TKT: variants seen among roughly 807,000 people sequenced by gnomAD.
TKT encodes the protein transketolase, also known as epididymis luminal protein 107.
Under a neutral mutation model 63.9 loss-of-function variants are expected in TKT, and 47 were observed. The ratio of observed to expected loss-of-function variants is 0.74; its 90% confidence interval spans 0.58 to 0.94. The LOEUF (loss-of-function observed/expected upper bound fraction) is 0.94. Among genes scored for constraint, TKT ranks in the 40% least tolerant of loss-of-function variants. TKT has a pLI of 0.00. For synonymous variants in TKT, 338 were observed against 334.1 expected (o/e 1.01, Z -0.13); for missense variants, 721 against 846.2 (o/e 0.85, Z 1.84).
chr3:53,248,746 T>A (rs1347086902), intron 1 of TKT, among the ~76,000 whole-genome samples: 3 of 152,176 alleles, frequency 2.0e-5, no homozygotes, highest in Non-Finnish European at 4.4e-5. Context: ...TGCATTTATA[T>A]GAAATGTCTA....
At chr3:53,234,791 CTGGCCCACATAT>C (rs1272896871) in intron 5 of TKT, 180 bp downstream of exon 5, 2 of 507,252 alleles carry the variant, frequency 3.9e-6, no homozygotes, top group East Asian at 6.8e-5. Flanking sequence ...AAAACTGGGC[CTGGCCCACATAT>C]CCTGAGCCAT....
Position 53,243,992 on chromosome 3 carries a change from G to A in TKT, c.108-1750C>T, listed in dbSNP as rs571714400. On this transcript the variant is annotated intron_variant, in intron 1 of 13. Coordinates refer to ENST00000462138, the MANE Select transcript of TKT (RefSeq NM_001064.4). ...ACAGTCCCATTGGCCACCAGAAGGG[G>A]TTCCAGGGAGAAATGGTGTGGCACA... is the stretch of plus-strand genomic sequence containing the variant. Among the ~76,000 whole-genome samples the A allele has an allele frequency of 2.6e-5, 4 of 151,674 alleles. No individual in the cohort carries two copies. The South Asian group carries it at 6.2e-4, about 24-fold the overall frequency.
At chr3:53,236,726 C>G (rs1553678703) in intron 4 of TKT, among the ~76,000 whole-genome samples, 1 of 152,214 alleles carries the variant, frequency 6.6e-6, no homozygotes, top group Non-Finnish European at 1.5e-5. Context: ...GAGGCTAGCA[C>G]TGGAGGCCCA....
intron 2 of TKT, 80 bp from the exon 3 acceptor site, chr3:53,241,325 TG>T: frequency 7.7e-7 from 1 of 1,290,494 alleles, no homozygotes; most frequent in Admixed American, 2.8e-5. Context: ...CACTGACCCC[TG>T]GGGCCCGGCC....
rs1553679562 is a variant in TKT at position 53,240,402 on chromosome 3, A to C, written c.340-54T>G. 5.8e-6 allele frequency: 9 copies of C among 1,543,538 alleles called. No individual in the cohort carries two copies. The East Asian group carries it at 7.0e-5, about 12-fold the overall frequency. On this transcript the variant is annotated intron_variant, in intron 3 of 13. Transcript: ENST00000462138. Reference sequence around the variant, plus strand: ...TGAGAGGAGAAGGGATCCTGGTCTCACCCGCCTAGGGAGCCACACTCCCAC... The same window carrying C: ...TGAGAGGAGAAGGGATCCTGGTCTCCCCCGCCTAGGGAGCCACACTCCCAC...
intron 1 of TKT, among the ~76,000 whole-genome samples, chr3:53,247,037 C>G (rs1038979433): frequency 3.3e-5 from 5 of 151,162 alleles, no homozygotes; most frequent in Non-Finnish European, 7.4e-5. Context: ...AAGAGTACAT[C>G]ATTTATCTTC....
chr3:53,231,143 G>A (rs977754403), intron 7 of TKT, among the ~76,000 whole-genome samples: 2 of 152,200 alleles, frequency 1.3e-5, no homozygotes, highest in Non-Finnish European at 2.9e-5. Flanking sequence ...CTTGCTAAGT[G>A]GGCAATTCCC....
rs781874256 is a variant in TKT at position 53,228,167 on chromosome 3, GGTGA to G, written c.1480-22_1480-19del. The G allele has an allele frequency of 1.5e-4, 248 of 1,613,996 alleles. No individual in the cohort carries two copies. The highest frequency in any genetic ancestry group is 3.2e-4 in the African/African-American group (24 of 75,062). On this transcript the variant is annotated intron_variant, in intron 11 of 13. Coordinates refer to ENST00000462138, the MANE Select transcript of TKT (RefSeq NM_001064.4). The stretch of plus-strand genomic sequence containing the variant: ...AGGACCACCTGGGGGTGACACAGAG[GGTGA>G]GTAAGGCTCAGGGCCCTGGGGCAGG...
Position 53,229,067 on chromosome 3 carries a change from G to A in TKT, c.1335C>T (p.Val445=). ...TAGCAACGCCATCACTTGGGTAAAAGACAGTTGATGTGGGGACTGACCGAA... is the reference window on the plus strand; with the variant it reads ...TAGCAACGCCATCACTTGGGTAAAAAACAGTTGATGTGGGGACTGACCGAA... The part of the protein sequence containing the change: ...AMFRSVPTST[V]FYPSDGVATE... Residue 445 remains valine, a synonymous_variant, in exon 10 of 14, where the codon GTC becomes GTT. Transcript: ENST00000462138. 6.2e-7 allele frequency: 1 copy of A among 1,614,160 alleles called. No homozygotes were observed. The highest frequency in any genetic ancestry group is 1.1e-5 in the South Asian group (1 of 91,086).
chr3:53,254,628 CCT>C (rs1323622351), intron 1 of TKT, among the ~76,000 whole-genome samples: 4 of 152,224 alleles, frequency 2.6e-5, no homozygotes, highest in African/African-American at 9.6e-5. Context: ...CCCTCACAAC[CCT>C]GTCATGAGCC....
chr3:53,248,637 C>CA (rs34310421), intron 1 of TKT, among the ~76,000 whole-genome samples: 1 of 149,676 alleles, frequency 6.7e-6, no homozygotes, highest in South Asian at 2.1e-4. Flanking sequence ...CCCCACCCCC[C>CA]AAAAAAAAGG....
In TKT at chr3:53,228,359, C is replaced by G. The variant is rs1553676062; in HGVS notation, c.1396G>C (p.Gly466Arg). 2.5e-6 allele frequency: 4 copies of G among 1,613,956 alleles called. No individual in the cohort carries two copies. The South Asian group carries it at 4.4e-5, about 18-fold the overall frequency. Reference protein sequence around the residue: ...KAVELAANTKGICFIRTSRPE... With the variant: ...KAVELAANTKRICFIRTSRPE... ...CGGCTGGTCCGGATGAAGCAGATACCCTGAGACCGAAACAGATAAACTGAG... is the reference window on the plus strand; with the variant it reads ...CGGCTGGTCCGGATGAAGCAGATACGCTGAGACCGAAACAGATAAACTGAG... Residue 466 changes from glycine (G) to arginine (R), a missense_variant and splice_region_variant, in exon 11 of 14, where the codon GGT becomes CGT. Coordinates refer to ENST00000462138, the MANE Select transcript of TKT (RefSeq NM_001064.4).
At chr3:53,240,226 TG>T in intron 4 of TKT, 24 bp downstream of exon 4, 1 of 1,601,968 alleles carries the variant, frequency 6.2e-7, no homozygotes, top group Non-Finnish European at 8.5e-7. Context: ...CTACCCAGGT[TG>T]GGGGTGGGGA....
intron 1 of TKT, among the ~76,000 whole-genome samples, chr3:53,252,392 G>A (rs1271095381): frequency 2.6e-5 from 4 of 152,164 alleles, no homozygotes; most frequent in African/African-American, 4.8e-5. Context: ...ACATACTCTT[G>A]GCTCACAACT....
intron 4 of TKT, among the ~76,000 whole-genome samples, chr3:53,235,807 T>G (rs942711861): frequency 6.6e-6 from 1 of 152,234 alleles, no homozygotes; most frequent in Non-Finnish European, 1.5e-5. Flanking sequence ...AGACTGAAGC[T>G]GCACCTGGCT....
intron 7 of TKT, among the ~76,000 whole-genome samples, chr3:53,230,967 T>C (rs1704728317): frequency 6.6e-6 from 1 of 152,198 alleles, no homozygotes; most frequent in African/African-American, 2.4e-5. Flanking sequence ...GCTGCATGGA[T>C]GGGTTCCCTT....
In TKT at chr3:53,225,541, T is replaced by C; in HGVS notation, c.*215A>G. On this transcript the variant is annotated 3_prime_UTR_variant, in exon 14 of 14. Coordinates refer to ENST00000462138, the MANE Select transcript of TKT (RefSeq NM_001064.4). ...AAGGGGACTTGGGACACCCAGGTCC[T>C]GGCCCAGGACCAAGGACACCAGCCT... is the stretch of plus-strand genomic sequence containing the variant. 2.2e-6 allele frequency: 1 copy of C among 459,034 alleles called. No individual in the cohort carries two copies. The allele number at this position is 459,034 out of a possible 1,614,324, so 28.4% of individuals were successfully genotyped here. A position where few individuals can be genotyped will look rare whatever the true frequency, so the allele number is the denominator to read the frequency against.
chr3:53,240,395 T>G, intron 3 of TKT, 47 bp from the exon 4 acceptor site: 4 of 1,559,630 alleles, frequency 2.6e-6, no homozygotes, highest in Non-Finnish European at 3.5e-6. Context: ...GAAGGGATCC[T>G]GGTCTCACCC....
rs781829574 is a variant in TKT at position 53,232,901 on chromosome 3, C to G, written c.748+255G>C. ...CCTCACTCCACGACCTTCCTCTCAC[C>G]CACAGACCCTCCAAGTCCCTCCTCT... On this transcript the variant is annotated intron_variant, in intron 6 of 13. Coordinates refer to ENST00000462138, the MANE Select transcript of TKT (RefSeq NM_001064.4). 2.5e-4 allele frequency: 119 copies of G among 482,412 alleles called. 2 individuals are homozygous for G. The highest frequency in any genetic ancestry group is 2.1e-3 in the Middle Eastern group (4 of 1,868). 29.9% of individuals were successfully genotyped at this position (482,412 alleles called of 1,614,324 possible).
Sources: gnomAD v4.1 joint callset for allele counts (sites outside exome capture counted in the v4.1 genomes callset) on GRCh38, gnomAD v4.1.1 for gene constraint, MANE v1.5 for transcripts, NCBI Gene and HGNC (gene_info 2026-07-23, HGNC 2026-07-21) for gene names.